The following MAP3K12 variants were observed in gnomAD, a reference collection of about 807,000 sequenced individuals.
MAP3K12 encodes MAPK-upstream kinase.
A neutral mutation model predicts 87.5 loss-of-function variants in MAP3K12; 14 were observed. The ratio of observed to expected loss-of-function variants is 0.16; its 90% CI spans 0.11 to 0.25. MAP3K12 has a LOEUF of 0.25. Ranked by LOEUF, MAP3K12 falls within the 10% of genes least tolerant of loss-of-function variation. MAP3K12 has a pLI of 1.00. For synonymous variants in MAP3K12, 469 were observed against 452.5 expected (o/e 1.04, Z -0.46); for missense variants, 802 against 1,140.4 (o/e 0.70, Z 4.27).
intron 1 of MAP3K12, among the ~76,000 whole-genome samples, chr12:53,494,070 T>C (rs953817054): frequency 6.6e-6 from 1 of 152,188 alleles, no homozygotes; most frequent in East Asian, 1.9e-4. Context: ...ATACCCCTTT[T>C]TGTTTCCTTT....
intron 1 of MAP3K12, among the ~76,000 whole-genome samples, chr12:53,496,398 C>G (rs1565893507): frequency 6.6e-6 from 1 of 152,160 alleles, no homozygotes; most frequent in Non-Finnish European, 1.5e-5. Flanking sequence ...GGAATCTGCT[C>G]TCTTAAGCAG....
intron 4 of MAP3K12, 183 bp from the exon 5 acceptor site, chr12:53,485,658 T>C: frequency 1.6e-6 from 1 of 640,848 alleles, no homozygotes; most frequent in Non-Finnish European, 2.6e-6. Flanking sequence ...TGGGTTCAAG[T>C]GATTCTCCTG....
rs1048647962 is a variant in MAP3K12 at position 53,480,508 on chromosome 12, G to C, written c.*674C>G. On this transcript the variant is annotated 3_prime_UTR_variant, in exon 14 of 14. Coordinates refer to ENST00000547488, the MANE Select transcript of MAP3K12 (RefSeq NM_001193511.2). ...CTCAACAGCTGGGCCTGCATGGAGTGTTATATTTCAAGGTTTTTCACAGGG... is the reference window on the plus strand; with the variant it reads ...CTCAACAGCTGGGCCTGCATGGAGTCTTATATTTCAAGGTTTTTCACAGGG... 6.6e-6 allele frequency: 1 copy of C among 152,564 alleles called. No individual in the cohort carries two copies. Among genetic ancestry groups the C allele is most frequent in the African/African-American group, 2.4e-5 (1 of 41,410 alleles). 9.5% of individuals were successfully genotyped at this position (152,564 alleles called of 1,614,324 possible).
In MAP3K12 at chr12:53,486,200, C is replaced by A; in HGVS notation, c.677G>T (p.Cys226Phe). Reference sequence around the variant, plus strand: ...TACCTCATACAGCTGGCCCTGGGCGCAGAACTCCATGAGGATGCAGTAGCA... The same window carrying A: ...TACCTCATACAGCTGGCCCTGGGCGAAGAACTCCATGAGGATGCAGTAGCA... ...APCYCILMEF[C>F]AQGQLYEVLR... Residue 226 changes from cysteine to phenylalanine, a missense_variant, in exon 4 of 14, where the codon TGC becomes TTC. By Grantham distance (205) the Cys-to-Phe change is radical. Transcript: ENST00000547488. This position sits in a 1 kb window ranked among gnomAD's most constrained non-coding sequence, Gnocchi z 4.9. The A allele has an allele frequency of 6.2e-7, 1 of 1,613,422 alleles. No homozygotes were observed. The highest frequency in any genetic ancestry group is 1.1e-5 in the South Asian group (1 of 90,992).
At chr12:53,484,933 TTC>T in intron 6 of MAP3K12, 121 bp downstream of exon 6, 1 of 1,283,972 alleles carries the variant, frequency 7.8e-7, no homozygotes, top group East Asian at 2.5e-5. Flanking sequence ...ATGAGCCTGA[TTC>T]AGATGAAAGT....
chr12:53,487,493 T>A, intron 1 of MAP3K12, 65 bp from the exon 2 acceptor site: 1 of 1,480,670 alleles, frequency 6.8e-7, no homozygotes, highest in Non-Finnish European at 9.0e-7. Flanking sequence ...TCAGGACACT[T>A]ATCCCAGAGG....
At position 53,486,904 on chromosome 12, in the gene MAP3K12, C is replaced by G; in HGVS notation, c.445+43G>C. On this transcript the variant is annotated intron_variant, in intron 2 of 13. Coordinates refer to ENST00000547488, the MANE Select transcript of MAP3K12 (RefSeq NM_001193511.2). The surrounding 1 kb of genome is among the most constrained non-coding windows in gnomAD (Gnocchi z 4.9). The stretch of plus-strand genomic sequence containing the variant: ...GCGGAGCTGACCAACAGATCTCGGG[C>G]TCAGGGAAACAGAGAGGAGGCTCCC... The G allele has an allele frequency of 6.2e-7, 1 of 1,603,068 alleles. No individual in the cohort carries two copies. The highest frequency in any genetic ancestry group is 8.5e-7 in the Non-Finnish European group (1 of 1,172,622).
At chr12:53,487,462 T>TA in intron 1 of MAP3K12, 34 bp from the exon 2 acceptor site, 1 of 1,540,602 alleles carries the variant, frequency 6.5e-7, no homozygotes, top group Non-Finnish European at 8.7e-7. Flanking sequence ...GCTGGGCTGT[T>TA]AAAGCCCCAG....
intron 1 of MAP3K12, among the ~76,000 whole-genome samples, chr12:53,498,413 C>T (rs975874085): frequency 2.0e-5 from 3 of 152,068 alleles, no homozygotes; most frequent in African/African-American, 7.3e-5. Context: ...GGTGAGGAGA[C>T]CTCATGTGCA....
rs1284615455 is a variant in MAP3K12, at chr12:53,487,527, C to T, written c.-37-99G>A. On this transcript the variant is annotated intron_variant, in intron 1 of 13. Transcript: ENST00000547488. ...GGCACAGACTGGGGTGCTGGGTTCACAGTAGCCCCGCTGGAGGTAACACTT... is the reference window on the plus strand; with the variant it reads ...GGCACAGACTGGGGTGCTGGGTTCATAGTAGCCCCGCTGGAGGTAACACTT... The T allele has an allele frequency of 3.6e-5, 44 of 1,231,610 alleles. No individual in the cohort carries two copies. The East Asian group carries it at 6.9e-4, about 19-fold the overall frequency. 76.3% of individuals were successfully genotyped at this position (1,231,610 alleles called of 1,614,324 possible).
At chr12:53,494,063 C>T (rs532438449) in intron 1 of MAP3K12, among the ~76,000 whole-genome samples, 1 of 152,308 alleles carries the variant, frequency 6.6e-6, no homozygotes, top group Non-Finnish European at 1.5e-5. Context: ...CACACACATA[C>T]CCCTTTTTGT....
At position 53,483,996 on chromosome 12, in the gene MAP3K12, G is replaced by C; in HGVS notation, c.1273C>G (p.Leu425Val). ...TCTGACTTAATCTTTTCAAAGTGCA[G>C]TTTTACTTCTTCCCGCCACTCTGCC... ...SQAEWREEVK[L>V]HFEKIKSEGT... The change falls in exon 8 of 14, where the codon CTG (leucine) becomes GTG (valine). Residue 425 changes from leucine to valine, a missense_variant. Around this residue, in one of 5 missense-constraint regions of MAP3K12, gnomAD observed 99 missense variants for 193.4 expected, o/e 0.51. Coordinates refer to ENST00000547488, the MANE Select transcript of MAP3K12 (RefSeq NM_001193511.2). 6.2e-7 allele frequency: 1 copy of C among 1,612,004 alleles called. No individual in the cohort carries two copies. The highest frequency in any genetic ancestry group is 8.5e-7 in the Non-Finnish European group (1 of 1,179,570).
chr12:53,483,068 G>A lies in MAP3K12; in HGVS notation c.1735C>T (p.Arg579Cys). Residue 579 changes from arginine to cysteine, a missense_variant, in exon 11 of 14, where the codon CGT becomes TGT. Arg to Cys is a radical substitution (Grantham distance 180, BLOSUM62 -3). This residue lies in a region of MAP3K12 where 490 missense variants were observed against 496.6 expected (regional missense o/e 0.99). Transcript: ENST00000547488. ...SPGRSRRGKT[R>C]HRKASAKGSC... Reference sequence around the variant, plus strand: ...CCCTTGGCGCTGGCCTTGCGGTGACGGGTCTTGCCACGGCGACTCCGTCCT... The same window carrying A: ...CCCTTGGCGCTGGCCTTGCGGTGACAGGTCTTGCCACGGCGACTCCGTCCT... 4 of 1,540,932 alleles carry A rather than the reference G, an allele frequency of 2.6e-6. No individual in the cohort carries two copies. Among genetic ancestry groups the A allele is most frequent in the Non-Finnish European group, 3.5e-6 (4 of 1,145,396 alleles).
chr12:53,489,974 A>G (rs1943356101), intron 1 of MAP3K12, among the ~76,000 whole-genome samples: 1 of 152,120 alleles, frequency 6.6e-6, no homozygotes, highest in African/African-American at 2.4e-5. Context: ...CCTAACCCCA[A>G]TTCTCCACCC....
In MAP3K12 at chr12:53,481,110, T is replaced by C. The variant is rs1461853784; in HGVS notation, c.*72A>G. 6 of 322,636 alleles carry C rather than the reference T, an allele frequency of 1.9e-5. No individual in the cohort carries two copies. Among genetic ancestry groups the C allele is most frequent in the East Asian group, 1.2e-4 (1 of 8,368 alleles). The allele number at this position is 322,636 out of a possible 1,614,324, so 20.0% of individuals were successfully genotyped here. A position where few individuals can be genotyped will look rare whatever the true frequency, so the allele number is the denominator to read the frequency against. On this transcript the variant is annotated 3_prime_UTR_variant, in exon 14 of 14. Coordinates refer to ENST00000547488, the MANE Select transcript of MAP3K12 (RefSeq NM_001193511.2). Reference sequence around the variant, plus strand: ...ATCTTTCTGTTGATTATGTGGCGCATATATATATATATATGTATATATATA... The same window carrying C: ...ATCTTTCTGTTGATTATGTGGCGCACATATATATATATATGTATATATATA...
At chr12:53,484,134 ACT>A in intron 7 of MAP3K12, 114 bp from the exon 8 acceptor site, 5 of 1,362,776 alleles carry the variant, frequency 3.7e-6, no homozygotes, top group Non-Finnish European at 4.2e-6. Context: ...GAGTGGATTG[ACT>A]CAGCCCTCTA....
intron 1 of MAP3K12, among the ~76,000 whole-genome samples, chr12:53,490,886 G>C (rs1347186602): frequency 6.6e-6 from 1 of 152,142 alleles, no homozygotes; most frequent in Non-Finnish European, 1.5e-5. Flanking sequence ...ACTGCAGCCT[G>C]AGCGACAGAG....
chr12:53,482,516 G>A (rs753031195), intron 11 of MAP3K12, 49 bp downstream of exon 11: 18 of 1,595,924 alleles, frequency 1.1e-5, no homozygotes, highest in African/African-American at 2.7e-5. Context: ...TGGACCCCAG[G>A]GAGGATAAGG....
chr12:53,501,093 G>A (rs1473026930), upstream of MAP3K12: 6 of 414,236 alleles, frequency 1.4e-5, no homozygotes, highest in East Asian at 4.8e-5. Flanking sequence ...GGGCGCGGAA[G>A]GAAGGAGGCG....
Sources: allele counts gnomAD v4.1 joint callset (sites outside exome capture counted in the v4.1 genomes callset), GRCh38; gene constraint gnomAD v4.1.1; regional missense constraint gnomAD v4.1.1; non-coding constraint Gnocchi (gnomAD v3.1); transcripts MANE v1.5; gene names NCBI Gene and HGNC (gene_info 2026-07-23, HGNC 2026-07-21).